NRG2: variants seen among roughly 807,000 people sequenced by gnomAD.
The protein encoded by NRG2 is pro-neuregulin-2, membrane-bound isoform.
NRG2 carries 27 observed loss-of-function variants against 73.9 expected under a neutral mutation model. The observed-to-expected ratio is 0.37, with a 90% CI of 0.27 to 0.50. The LOEUF (loss-of-function observed/expected upper bound fraction) is 0.50, where lower values mean the gene tolerates loss of function less well. Ranked by LOEUF, NRG2 falls within the 20% of genes least tolerant of loss-of-function variation. The pLI, the probability that NRG2 is intolerant of heterozygous loss-of-function variation, is 0.96. For missense variants in NRG2, 1,126 were observed against 1,210.1 expected, an observed-to-expected ratio of 0.93 and a Z score of 1.03; for synonymous variants, 532 against 541.0, an observed-to-expected ratio of 0.98 and a Z score of 0.23.
intron 1 of NRG2, among the ~76,000 whole-genome samples, chr5:139,940,127 T>C (rs1753276975): frequency 6.6e-6 from 1 of 152,186 alleles, no homozygotes; most frequent in East Asian, 1.9e-4. Flanking sequence ...AATAAGAACA[T>C]GTCCACACAA....
chr5:139,880,818 C>G, intron 3 of NRG2, 38 bp downstream of exon 3: 1 of 1,561,226 alleles, frequency 6.4e-7, no homozygotes, highest in Admixed American at 1.7e-5. Context: ...CCCTGCCAAA[C>G]CCCTCTAGGA....
rs541560667 is a variant in NRG2, at chr5:139,904,316, C to G, written c.701-16805G>C. ...CGCGGAGGTGCCCTACCTTTCTCCCCGGGATCGGGCTCCCTCTCCCGCTTC... is the reference window on the plus strand; with the variant it reads ...CGCGGAGGTGCCCTACCTTTCTCCCGGGGATCGGGCTCCCTCTCCCGCTTC... On this transcript the variant is annotated intron_variant, in intron 1 of 9. Transcript: ENST00000361474. The surrounding 1 kb of genome is among the most constrained non-coding windows in gnomAD (Gnocchi z 6.0). 1 of 1,591,400 alleles carries G rather than the reference C, an allele frequency of 6.3e-7. No homozygotes were observed. The highest frequency in any genetic ancestry group is 1.3e-5 in the African/African-American group (1 of 74,128).
intron 1 of NRG2, among the ~76,000 whole-genome samples, chr5:140,014,751 C>T (rs922372451): frequency 1.3e-5 from 2 of 152,194 alleles, no homozygotes; most frequent in African/African-American, 4.8e-5. Context: ...TCCTAAATGT[C>T]TATTCTCAAC....
At chr5:139,890,095 C>G (rs1248358544) in intron 1 of NRG2, among the ~76,000 whole-genome samples, 1 of 152,066 alleles carries the variant, frequency 6.6e-6, no homozygotes, top group Non-Finnish European at 1.5e-5. Flanking sequence ...TGCGCTCCCC[C>G]CAGTGAATGA....
chr5:139,988,736 C>T (rs1757359769), intron 1 of NRG2, among the ~76,000 whole-genome samples: 3 of 151,550 alleles, frequency 2.0e-5, no homozygotes, highest in Admixed American at 2.0e-4. Context: ...ATGTCCAAAC[C>T]CATAGAATGT....
intron 1 of NRG2, among the ~76,000 whole-genome samples, chr5:139,924,496 C>T (rs1473995289): frequency 1.3e-5 from 2 of 152,174 alleles, no homozygotes; most frequent in Non-Finnish European, 2.9e-5. Flanking sequence ...TGCTGGATTC[C>T]CTTGTTCATA....
chr5:140,018,362 G>A (rs940297238), intron 1 of NRG2, among the ~76,000 whole-genome samples: 2 of 152,218 alleles, frequency 1.3e-5, no homozygotes, highest in African/African-American at 2.4e-5. Flanking sequence ...GCCTGCAGAC[G>A]AGGGATGGGT....
At chr5:139,882,212 G>T (rs933544815) in intron 2 of NRG2, among the ~76,000 whole-genome samples, 1 of 152,130 alleles carries the variant, frequency 6.6e-6, no homozygotes, top group Non-Finnish European at 1.5e-5. Flanking sequence ...CTATGGAGCT[G>T]ATGGGGTAAG....
chr5:140,037,368 C>T (rs1015048983), intron 1 of NRG2, among the ~76,000 whole-genome samples: 7 of 152,122 alleles, frequency 4.6e-5, no homozygotes, highest in African/African-American at 1.4e-4. Flanking sequence ...GAAAACTTAA[C>T]GGCAAAGTAT....
intron 1 of NRG2, among the ~76,000 whole-genome samples, chr5:140,038,552 C>T (rs1761678531): frequency 6.6e-6 from 1 of 152,208 alleles, no homozygotes; most frequent in African/African-American, 2.4e-5. Flanking sequence ...CAGCACAGGA[C>T]TTGATGTCAC....
At position 139,848,032 on chromosome 5, in the gene NRG2, C is replaced by T. The variant is rs1333048442; in HGVS notation, c.2438G>A (p.Cys813Tyr). 2 of 1,509,928 alleles carry T rather than the reference C, an allele frequency of 1.3e-6. No individual in the cohort carries two copies. The highest frequency in any genetic ancestry group is 2.1e-5 in the Admixed American group (1 of 47,664). 93.5% of individuals were successfully genotyped at this position (1,509,928 alleles called of 1,614,324 possible). ...GTAAGTCCTGCTGTCGGCCGCCGGG[C>T]ACAGTGGCGGCGAGTCCGAGCGCAG... ...DALRSDSPPL[C>Y]PAADSRTYYS... The change falls in exon 10 of 10, where the codon TGC becomes TAC. Residue 813 changes from cysteine (C) to tyrosine (Y), a missense_variant. This residue lies in a region of NRG2 where 402 missense variants were observed against 357.8 expected (regional missense o/e 1.12). Transcript: ENST00000361474.
chr5:139,906,132 T>C (rs1299628769), intron 1 of NRG2, among the ~76,000 whole-genome samples: 1 of 152,146 alleles, frequency 6.6e-6, no homozygotes, highest in Non-Finnish European at 1.5e-5. Flanking sequence ...CTTAGCCTCC[T>C]GAGTAGCTGG....
chr5:139,922,774 A>G (rs1751768635), intron 1 of NRG2, among the ~76,000 whole-genome samples: 2 of 152,360 alleles, frequency 1.3e-5, no homozygotes, highest in Admixed American at 1.3e-4. Flanking sequence ...CAGCATTAAA[A>G]AAGAAATGAG....
intron 4 of NRG2, among the ~76,000 whole-genome samples, chr5:139,867,789 T>TGTGTGTGA (rs1762564250): frequency 2.2e-5 from 3 of 137,748 alleles, no homozygotes; most frequent in Non-Finnish European, 4.6e-5. Context: ...TGTGTGTGTG[T>TGTGTGTGA]GTGTGTGTAT....
chr5:140,032,421 A>G (rs1374224552), intron 1 of NRG2, among the ~76,000 whole-genome samples: 4 of 152,228 alleles, frequency 2.6e-5, no homozygotes, highest in African/African-American at 9.6e-5. Context: ...TGAGAGAAAA[A>G]AAAAATAGAA....
intron 1 of NRG2, among the ~76,000 whole-genome samples, chr5:139,953,887 C>G (rs1754419438): frequency 6.6e-6 from 1 of 152,114 alleles, no homozygotes; most frequent in South Asian, 2.1e-4. Flanking sequence ...GAGGTGAATA[C>G]AGCAGGAGGA....
chr5:139,897,515 TC>T (rs1299053091), intron 1 of NRG2, among the ~76,000 whole-genome samples: 2 of 152,052 alleles, frequency 1.3e-5, no homozygotes, highest in African/African-American at 4.8e-5. Flanking sequence ...TTGGAGAAAA[TC>T]AGGTTCTTAT....
intron 1 of NRG2, among the ~76,000 whole-genome samples, chr5:139,921,234 G>A (rs977307113): frequency 3.3e-5 from 5 of 152,126 alleles, no homozygotes; most frequent in African/African-American, 1.2e-4. Context: ...ACTATTTTGT[G>A]GATATCAATA....
intron 1 of NRG2, among the ~76,000 whole-genome samples, chr5:139,891,426 C>T (rs1010013726): frequency 4.6e-5 from 7 of 152,242 alleles, no homozygotes; most frequent in Non-Finnish European, 1.5e-5. Context: ...CCTTGTGTGA[C>T]TCAGTAGCCA....
Sources: allele counts gnomAD v4.1 joint callset (sites outside exome capture counted in the v4.1 genomes callset), GRCh38; gene constraint gnomAD v4.1.1; regional missense constraint gnomAD v4.1.1; non-coding constraint Gnocchi (gnomAD v3.1); transcripts MANE v1.5; gene names NCBI Gene and HGNC (gene_info 2026-07-23, HGNC 2026-07-21).